The following QTMAN variants were observed in gnomAD, a reference collection of about 807,000 sequenced individuals.
The protein encoded by QTMAN is tRNA-queuosine alpha-mannosyltransferase.
chr2:144,264,289 TAGAG>T, the QTMAN span, among the ~76,000 whole-genome samples: 1 of 152,090 alleles, frequency 6.6e-6, no homozygotes, highest in Non-Finnish European at 1.5e-5. Flanking sequence ...AAAAACTAAT[TAGAG>T]AGGTGAGGAG....
the QTMAN span, among the ~76,000 whole-genome samples, chr2:144,219,547 A>G: frequency 3.3e-5 from 5 of 152,270 alleles, no homozygotes; most frequent in East Asian, 1.9e-4. Context: ...CAGACCAGGC[A>G]CAATGGCTCA....
At chr2:144,167,310 AAATGTAGATCT>A in the QTMAN span, among the ~76,000 whole-genome samples, 1 of 152,150 alleles carries the variant, frequency 6.6e-6, no homozygotes, top group African/African-American at 2.4e-5. Context: ...AAAAATCTTC[AAATGTAGATCT>A]CCAGCTTCTA....
At chr2:143,952,063 C>T in the QTMAN span, 59 of 1,596,136 alleles carry the variant, frequency 3.7e-5, no homozygotes, top group Non-Finnish European at 5.0e-5. Flanking sequence ...GTGTAGAATA[C>T]AGATATTCAG....
At chr2:143,989,545 G>A in the QTMAN span, among the ~76,000 whole-genome samples, 1 of 152,166 alleles carries the variant, frequency 6.6e-6, no homozygotes, top group African/African-American at 2.4e-5. Context: ...CAGACATGGA[G>A]GAGGGACGGC....
At chr2:144,246,121 T>A in the QTMAN span, among the ~76,000 whole-genome samples, 1 of 152,070 alleles carries the variant, frequency 6.6e-6, no homozygotes, top group African/African-American at 2.4e-5. Context: ...TATAGATACA[T>A]AAAAATGTGT....
At chr2:144,046,256 CAG>C in the QTMAN span, among the ~76,000 whole-genome samples, 14 of 152,270 alleles carry the variant, frequency 9.2e-5, no homozygotes, top group African/African-American at 2.9e-4. Flanking sequence ...GTTAATTTTA[CAG>C]AGAGATGACA....
chr2:144,149,829 T>C, the QTMAN span, among the ~76,000 whole-genome samples: 1 of 152,194 alleles, frequency 6.6e-6, no homozygotes, highest in East Asian at 1.9e-4. Flanking sequence ...TCAATTTAAA[T>C]AAATCAGTTG....
the QTMAN span, among the ~76,000 whole-genome samples, chr2:143,989,430 C>T: frequency 2.0e-5 from 3 of 152,090 alleles, no homozygotes; most frequent in African/African-American, 7.2e-5. Context: ...AAGGGACATA[C>T]AGGGTAAGTC....
At chr2:143,957,712 CA>C in the QTMAN span, among the ~76,000 whole-genome samples, 1 of 152,044 alleles carries the variant, frequency 6.6e-6, no homozygotes, top group Admixed American at 6.6e-5. Context: ...CACATCACAC[CA>C]AAAATGGCAT....
the QTMAN span, among the ~76,000 whole-genome samples, chr2:144,261,988 G>C: frequency 6.6e-6 from 1 of 152,246 alleles, no homozygotes; most frequent in African/African-American, 2.4e-5. Context: ...AGAGTAAAAA[G>C]GGTGGAGGCA....
chr2:144,196,507 T>C, the QTMAN span, among the ~76,000 whole-genome samples: 3 of 152,138 alleles, frequency 2.0e-5, no homozygotes, highest in African/African-American at 4.8e-5. Flanking sequence ...TAGTGAAAGA[T>C]AGGTTACCAA....
At chr2:143,962,814 T>C in the QTMAN span, among the ~76,000 whole-genome samples, 1 of 152,210 alleles carries the variant, frequency 6.6e-6, no homozygotes, top group East Asian at 1.9e-4. Context: ...ATGGGATACA[T>C]TTCCTGTGAA....
the QTMAN span, among the ~76,000 whole-genome samples, chr2:144,049,538 T>A: frequency 1.3e-5 from 2 of 152,166 alleles, no homozygotes; most frequent in Admixed American, 1.3e-4. Context: ...ATAATGAGCA[T>A]TATCTACTAA....
chr2:144,181,199 A>C, the QTMAN span, among the ~76,000 whole-genome samples: 1 of 152,218 alleles, frequency 6.6e-6, no homozygotes, highest in African/African-American at 2.4e-5. Flanking sequence ...CTGCAACAGG[A>C]GTCCAGCTTA....
At chr2:144,256,240 A>G in the QTMAN span, among the ~76,000 whole-genome samples, 1 of 152,204 alleles carries the variant, frequency 6.6e-6, no homozygotes, top group Non-Finnish European at 1.5e-5. Context: ...CAGGCTTCCC[A>G]TGTTGAGAAG....
At chr2:144,223,710 T>C in the QTMAN span, among the ~76,000 whole-genome samples, 2 of 152,160 alleles carry the variant, frequency 1.3e-5, no homozygotes, top group Admixed American at 1.3e-4. Flanking sequence ...CAGTAAAAAA[T>C]AGTCTTGAGC....
At chr2:144,181,913 A>G in the QTMAN span, among the ~76,000 whole-genome samples, 3 of 152,188 alleles carry the variant, frequency 2.0e-5, no homozygotes, top group Non-Finnish European at 4.4e-5. Context: ...AACATATCCA[A>G]TTAAACACAT....
the QTMAN span, among the ~76,000 whole-genome samples, chr2:144,095,615 G>C: frequency 1.3e-5 from 2 of 151,958 alleles, no homozygotes; most frequent in Non-Finnish European, 2.9e-5. Flanking sequence ...ATACCCAGAG[G>C]GAAAACGCTG....
the QTMAN span, among the ~76,000 whole-genome samples, chr2:144,122,149 C>G: frequency 1.3e-5 from 2 of 152,036 alleles, no homozygotes; most frequent in Non-Finnish European, 2.9e-5. Flanking sequence ...GAAATAGATT[C>G]CATGTAAATC....
Sources: allele counts gnomAD v4.1 joint callset (sites outside exome capture counted in the v4.1 genomes callset), GRCh38; gene constraint gnomAD v4.1.1; transcripts MANE v1.5; gene names NCBI Gene and HGNC (gene_info 2026-07-23, HGNC 2026-07-21).